The following SCAI variants were observed in gnomAD, a reference collection of about 807,000 sequenced individuals.
SCAI encodes the protein protein SCAI.
A neutral mutation model predicts 92.2 loss-of-function variants in SCAI; 24 were observed. The observed-to-expected ratio is 0.26, with a 90% confidence interval of 0.19 to 0.37. The LOEUF (loss-of-function observed/expected upper bound fraction) is 0.37, where lower values mean the gene tolerates loss of function less well. Among genes scored for constraint, SCAI ranks in the 10% least tolerant of loss-of-function variants. SCAI has a pLI of 1.00. For missense variants in SCAI, 450 were observed against 736.2 expected (o/e 0.61, Z 4.50); for synonymous variants, 261 against 258.6 (o/e 1.01, Z -0.09).
At chr9:125,100,808 G>C (rs1413638404) in intron 2 of SCAI, among the ~76,000 whole-genome samples, 1 of 152,178 alleles carries the variant, frequency 6.6e-6, no homozygotes. Flanking sequence ...CTTGAAGGAG[G>C]TGAAAGAATA....
chr9:125,128,115 C>A (rs76060522), intron 2 of SCAI, among the ~76,000 whole-genome samples: 3,341 of 152,108 alleles, frequency 0.022, 127 homozygotes, highest in African/African-American at 0.076. Context: ...AAATTTGCAA[C>A]CAGCCTGGGT....
At chr9:124,991,727 C>T (rs1050051809) in intron 14 of SCAI, among the ~76,000 whole-genome samples, 14 of 151,956 alleles carry the variant, frequency 9.2e-5, no homozygotes, top group Non-Finnish European at 1.5e-4. Context: ...GTCCCAGCTA[C>T]TTGGGAGGCT....
intron 17 of SCAI, among the ~76,000 whole-genome samples, chr9:124,970,491 G>T (rs1252269464): frequency 6.6e-6 from 1 of 151,996 alleles, no homozygotes; most frequent in Non-Finnish European, 1.5e-5. Context: ...GGCCAAGGCG[G>T]GTGGATCACC....
chr9:124,975,114 G>A (rs1352171910), intron 15 of SCAI: 2 of 319,576 alleles, frequency 6.3e-6, no homozygotes, highest in Non-Finnish European at 1.2e-5. Context: ...ATAAGAAACA[G>A]GATAACAAAA....
chr9:125,017,135 G>A (rs1346820665), intron 9 of SCAI, among the ~76,000 whole-genome samples: 1 of 152,056 alleles, frequency 6.6e-6, no homozygotes, highest in Non-Finnish European at 1.5e-5. Flanking sequence ...CATAGAGTGT[G>A]CACATATGGA....
chr9:125,073,092 A>ATATTTT (rs1834010043), intron 2 of SCAI, among the ~76,000 whole-genome samples: 1 of 72,448 alleles, frequency 1.4e-5, no homozygotes, highest in South Asian at 5.0e-4. Flanking sequence ...TCTATTTTTA[A>ATATTTT]TTTTTTTTTT....
At chr9:124,982,813 T>C (rs1831914139) in intron 14 of SCAI, among the ~76,000 whole-genome samples, 1 of 152,156 alleles carries the variant, frequency 6.6e-6, no homozygotes, top group Non-Finnish European at 1.5e-5. Flanking sequence ...ATTTCTTTCA[T>C]ATAGCCATTC....
intron 2 of SCAI, among the ~76,000 whole-genome samples, chr9:125,074,871 G>A (rs1360666424): frequency 4.0e-5 from 6 of 151,850 alleles, no homozygotes; most frequent in Non-Finnish European, 8.8e-5. Flanking sequence ...AGGCATGGTG[G>A]TGCATGCCTG....
intron 17 of SCAI, among the ~76,000 whole-genome samples, chr9:124,967,438 G>A (rs755018139): frequency 3.3e-5 from 5 of 152,152 alleles, no homozygotes; most frequent in Non-Finnish European, 1.5e-5. Flanking sequence ...GCTGAACTAC[G>A]TCTAGGACCA....
At chr9:125,075,313 T>G (rs1834066238) in intron 2 of SCAI, among the ~76,000 whole-genome samples, 1 of 152,054 alleles carries the variant, frequency 6.6e-6, no homozygotes, top group Non-Finnish European at 1.5e-5. Context: ...AAACAAGAAA[T>G]GTAGGCAAAA....
intron 12 of SCAI, among the ~76,000 whole-genome samples, chr9:125,000,779 C>T (rs1235025010): frequency 4.6e-5 from 7 of 151,954 alleles, no homozygotes; most frequent in Non-Finnish European, 8.8e-5. Context: ...GAATGTATTG[C>T]CAGATTTCAG....
chr9:125,048,031 T>G (rs991502593), intron 3 of SCAI, among the ~76,000 whole-genome samples: 7 of 152,240 alleles, frequency 4.6e-5, no homozygotes, highest in African/African-American at 1.4e-4. Flanking sequence ...CAGGCTGGAA[T>G]GCAATGGCGT....
intron 17 of SCAI, among the ~76,000 whole-genome samples, chr9:124,953,683 G>C (rs2131568915): frequency 6.6e-6 from 1 of 151,862 alleles, no homozygotes; most frequent in South Asian, 2.1e-4. Flanking sequence ...AAAGTGTTGG[G>C]ATTACAGGCG....
At chr9:125,025,290 A>G (rs562701817) in intron 6 of SCAI, among the ~76,000 whole-genome samples, 8 of 152,364 alleles carry the variant, frequency 5.3e-5, no homozygotes, top group Non-Finnish European at 1.2e-4. Flanking sequence ...TCCTACTTCT[A>G]AATAATATGC....
Position 125,061,517 on chromosome 9 carries a change from T to C in SCAI, c.99-5510A>G, listed in dbSNP as rs1227354468. On this transcript the variant is annotated intron_variant, in intron 2 of 17. Coordinates refer to ENST00000336505, the MANE Select transcript of SCAI (RefSeq NM_001144877.3). ...GCTCACGCCTGTAATCCCAACACTT[T>C]GGAGGCTGAGAAGGGCAGATCACTT... Among the ~76,000 whole-genome samples the C allele has an allele frequency of 5.3e-5, 8 of 152,284 alleles. No homozygotes were observed. In the South Asian group the frequency reaches 1.5e-3, roughly 28 times the overall value.
chr9:125,108,003 C>T (rs1354160032), intron 2 of SCAI, among the ~76,000 whole-genome samples: 1 of 152,200 alleles, frequency 6.6e-6, no homozygotes, highest in Non-Finnish European at 1.5e-5. Context: ...GACTGGTTTT[C>T]GTATTTTTTT....
chr9:125,052,746 T>A (rs1016799060), intron 3 of SCAI, among the ~76,000 whole-genome samples: 3 of 152,176 alleles, frequency 2.0e-5, no homozygotes, highest in Non-Finnish European at 4.4e-5. Context: ...TTAATAATTT[T>A]AAAAATAATT....
chr9:125,085,973 T>C (rs1448356143), intron 2 of SCAI, among the ~76,000 whole-genome samples: 2 of 152,204 alleles, frequency 1.3e-5, no homozygotes, highest in Non-Finnish European at 1.5e-5. Flanking sequence ...GTCAAGCCTC[T>C]ACCCTTAGCA....
At chr9:125,085,282 T>C (rs1588208566) in intron 2 of SCAI, among the ~76,000 whole-genome samples, 2 of 150,886 alleles carry the variant, frequency 1.3e-5, no homozygotes, top group Admixed American at 1.3e-4. Flanking sequence ...AGGTCAGGGG[T>C]TCGAGACCGG....
Sources: allele counts gnomAD v4.1 joint callset (sites outside exome capture counted in the v4.1 genomes callset), GRCh38; gene constraint gnomAD v4.1.1; transcripts MANE v1.5; gene names NCBI Gene and HGNC (gene_info 2026-07-23, HGNC 2026-07-21).